Variants in ATAD2B observed in about 807,000 individuals in gnomAD.
The protein encoded by ATAD2B is ATPase family AAA domain-containing protein 2B.
ATAD2B carries 40 observed loss-of-function variants against 167.6 expected under a neutral mutation model. The ratio of observed to expected loss-of-function variants is 0.24; its 90% CI spans 0.19 to 0.31. The LOEUF (loss-of-function observed/expected upper bound fraction) is 0.31. ATAD2B is among the 10% of genes least tolerant of loss of function. The pLI is 1.00. For synonymous variants in ATAD2B, 579 were observed against 596.5 expected (o/e 0.97, Z 0.43); for missense variants, 1,242 against 1,757.2 (o/e 0.71, Z 5.24).
At chr2:23,906,441 T>C (rs1343606749) in intron 1 of ATAD2B, among the ~76,000 whole-genome samples, 1 of 152,104 alleles carries the variant, frequency 6.6e-6, no homozygotes, top group South Asian at 2.1e-4. Flanking sequence ...AGTATAATGA[T>C]ACAAAGAAAT....
At chr2:23,742,730 G>C in the ATAD2B span, among the ~76,000 whole-genome samples, 1 of 150,584 alleles carries the variant, frequency 6.6e-6, no homozygotes, top group Non-Finnish European at 1.5e-5. Flanking sequence ...TTAAAAAGTG[G>C]AACAATAAAA....
At position 23,834,191 on chromosome 2, in the gene ATAD2B, T is replaced by C. The variant is rs1323778211; in HGVS notation, c.1569-113A>G. 4 of 659,336 alleles carry C rather than the reference T, an allele frequency of 6.1e-6. No homozygotes were observed. The African/African-American group carries it at 6.5e-5, about 11-fold the overall frequency. The allele number at this position is 659,336 out of a possible 1,614,324, so 40.8% of individuals were successfully genotyped here. A position where few individuals can be genotyped will look rare whatever the true frequency, so the allele number is the denominator to read the frequency against. On this transcript the variant is annotated intron_variant, in intron 13 of 27. Transcript: ENST00000238789. Reference sequence around the variant, plus strand: ...TTTTTTTTTTTTTTGAGATGGAGTGTCATTCCGTTGCCCAGGCTGGAGGGC... The same window carrying C: ...TTTTTTTTTTTTTTGAGATGGAGTGCCATTCCGTTGCCCAGGCTGGAGGGC...
At chr2:23,842,677 G>C (rs1490449045) in intron 13 of ATAD2B, among the ~76,000 whole-genome samples, 8 of 152,060 alleles carry the variant, frequency 5.3e-5, no homozygotes, top group Non-Finnish European at 1.2e-4. Context: ...TAATATTAAA[G>C]AATAAGGGGG....
intron 1 of ATAD2B, among the ~76,000 whole-genome samples, chr2:23,910,195 T>TA (rs1241116444): frequency 6.9e-6 from 1 of 144,676 alleles, no homozygotes; most frequent in African/African-American, 2.6e-5. Context: ...TTTTTTTTTT[T>TA]AGACAAGAGT....
intron 22 of ATAD2B, among the ~76,000 whole-genome samples, chr2:23,767,134 T>G (rs996266662): frequency 6.6e-6 from 1 of 152,212 alleles, no homozygotes; most frequent in South Asian, 2.1e-4. Context: ...TTCGATTACC[T>G]GCTCTACCCT....
At chr2:23,843,661 C>T (rs540128839) in intron 13 of ATAD2B, among the ~76,000 whole-genome samples, 8 of 152,274 alleles carry the variant, frequency 5.3e-5, no homozygotes, top group Non-Finnish European at 8.8e-5. Context: ...AGGAAATGTA[C>T]ACAAAACTCC....
intron 12 of ATAD2B, among the ~76,000 whole-genome samples, chr2:23,862,399 TG>T: frequency 7.0e-6 from 1 of 142,500 alleles, no homozygotes; most frequent in African/African-American, 2.6e-5. Context: ...ATATTTGGAC[TG>T]GTTTTTTTTT....
chr2:23,926,719 CAGG>C lies in ATAD2B; in HGVS notation c.49_51del (p.Pro17del), dbSNP rs1416279144. 6 of 1,549,590 alleles carry C rather than the reference CAGG, an allele frequency of 3.9e-6. No homozygotes were observed. In the Admixed American group the frequency reaches 1.2e-4, roughly 30 times the overall value. ...CCGGCCCCAGGCCCAGGCCCGGGAC[CAGG>C]AGACTTGGACCCGAGAAGGCGGAGA... On this transcript the variant is annotated inframe_deletion, in exon 1 of 28. Transcript: ENST00000238789.
At chr2:23,876,944 G>A (rs931226655) in intron 7 of ATAD2B, among the ~76,000 whole-genome samples, 37 of 151,562 alleles carry the variant, frequency 2.4e-4, no homozygotes, top group Non-Finnish European at 4.7e-4. Context: ...GTGCATGCCT[G>A]TAATCCCAGC....
At chr2:23,752,521 GT>G (rs1675474265) in intron 27 of ATAD2B, among the ~76,000 whole-genome samples, 1 of 150,308 alleles carries the variant, frequency 6.7e-6, no homozygotes, top group Non-Finnish European at 1.5e-5. Flanking sequence ...TATATATATA[GT>G]TTTAACTCCC....
intron 22 of ATAD2B, among the ~76,000 whole-genome samples, chr2:23,769,532 A>G (rs190838407): frequency 6.0e-4 from 91 of 152,220 alleles, no homozygotes; most frequent in African/African-American, 2.1e-3. Context: ...AGGGATGACT[A>G]TAATACATAT....
At chr2:23,864,950 T>C in intron 10 of ATAD2B, 26 bp from the exon 11 acceptor site, 1 of 1,324,328 alleles carries the variant, frequency 7.6e-7, no homozygotes, top group African/African-American at 1.5e-5. Flanking sequence ...AAAAATTTGA[T>C]ATCAAACAAT....
intron 22 of ATAD2B, 136 bp from the exon 23 acceptor site, chr2:23,765,764 G>A: frequency 2.0e-6 from 1 of 510,882 alleles, no homozygotes; most frequent in South Asian, 4.9e-5. Flanking sequence ...TTTAAAGTAT[G>A]GGTAAAAAAA....
intron 24 of ATAD2B, among the ~76,000 whole-genome samples, chr2:23,760,711 C>CATATACACACACACACACACAT (rs772459436): frequency 7.5e-6 from 1 of 132,926 alleles, no homozygotes; most frequent in Non-Finnish European, 1.6e-5. Context: ...CACACACACA[C>CATATACACACACACACACACAT]ACACACACAC....
At chr2:23,807,932 AAT>A (rs1006314182) in intron 18 of ATAD2B, among the ~76,000 whole-genome samples, 153 of 129,072 alleles carry the variant, frequency 1.2e-3, no homozygotes, top group African/African-American at 3.9e-3. Context: ...ATATATTTAT[AAT>A]ATATATAAAT....
the ATAD2B span, among the ~76,000 whole-genome samples, chr2:23,716,566 G>A: frequency 6.6e-6 from 1 of 152,094 alleles, no homozygotes; most frequent in Non-Finnish European, 1.5e-5. Flanking sequence ...AGTTTCATTA[G>A]AGACATTCAG....
intron 22 of ATAD2B, among the ~76,000 whole-genome samples, chr2:23,782,077 A>G (rs1167065428): frequency 6.6e-6 from 1 of 152,226 alleles, no homozygotes; most frequent in African/African-American, 2.4e-5. Flanking sequence ...CCGGCCTCCC[A>G]AAGTGCTGGG....
the ATAD2B span, among the ~76,000 whole-genome samples, chr2:23,681,485 T>G: frequency 2.6e-5 from 4 of 152,104 alleles, no homozygotes; most frequent in African/African-American, 9.7e-5. This position sits in a 1 kb window ranked among gnomAD's most constrained non-coding sequence, Gnocchi z 4.2. Context: ...TCAGAAACCC[T>G]CAGGATGCCT....
At chr2:23,862,675 C>T (rs1267478037) in intron 12 of ATAD2B, among the ~76,000 whole-genome samples, 1 of 152,134 alleles carries the variant, frequency 6.6e-6, no homozygotes, top group East Asian at 1.9e-4. Flanking sequence ...CCCTGCTCTG[C>T]CTTTTAAAAG....
Sources: allele counts gnomAD v4.1 joint callset (sites outside exome capture counted in the v4.1 genomes callset), GRCh38; gene constraint gnomAD v4.1.1; non-coding constraint Gnocchi (gnomAD v3.1); transcripts MANE v1.5; gene names NCBI Gene and HGNC (gene_info 2026-07-23, HGNC 2026-07-21).